The following MORF4L2 variants were observed in gnomAD, a reference collection of about 807,000 sequenced individuals.
MORF4L2 encodes mortality factor 4 like 2, also known as mortality factor 4-like protein 2.
In MORF4L2, 1 loss-of-function variant was observed where a neutral mutation model predicts 12.0. That is an observed-to-expected ratio of 0.08 (90% confidence interval 0.03 to 0.40). The LOEUF (loss-of-function observed/expected upper bound fraction) is 0.40, where lower values mean the gene tolerates loss of function less well. MORF4L2 is among the 10% of genes least tolerant of loss of function. MORF4L2 has a pLI of 0.98. For missense variants in MORF4L2, 123 were observed against 214.0 expected (o/e 0.57, Z 2.65); for synonymous variants, 69 against 81.6 (o/e 0.85, Z 0.83).
In MORF4L2 at chrX:103,680,068, C is replaced by T. The variant is rs189830981; in HGVS notation, c.-177-1417G>A. Among the ~76,000 whole-genome samples the T allele has an allele frequency of 6.6e-3, 732 of 110,905 alleles. 2 individuals are homozygous for T. The highest frequency in any genetic ancestry group is 0.01 in the Non-Finnish European group (537 of 52,909). On this transcript the variant is annotated intron_variant, in intron 2 of 3. Transcript: ENST00000441076. ...AGGCTTAGTGGTGCACACCTATAAT[C>T]CCAGCTACTTGGGAGGCTGAGGCAG...
rs1293736579 is a variant in MORF4L2, at chrX:103,686,640, G to C, written c.-277C>G. On this transcript the variant is annotated 5_prime_UTR_variant, in exon 1 of 4. Coordinates refer to ENST00000441076, the MANE Select transcript of MORF4L2 (RefSeq NM_012286.3). Reference sequence around the variant, plus strand: ...ACCCCCACCCCGAAACCTGAAACGAGAATCCAGATCTTCCCAGCAGCCGAC... The same window carrying C: ...ACCCCCACCCCGAAACCTGAAACGACAATCCAGATCTTCCCAGCAGCCGAC... 1.1e-5 allele frequency: 1 copy of C among 90,713 alleles called. No homozygotes were observed. The highest frequency in any genetic ancestry group is 2.1e-5 in the Non-Finnish European group (1 of 47,732). The allele number at this position is 90,713 out of a possible 1,213,427, so 7.5% of individuals were successfully genotyped here.
At chrX:103,683,132 G>A (rs1376744285) in intron 2 of MORF4L2, among the ~76,000 whole-genome samples, 2 of 109,676 alleles carry the variant, frequency 1.8e-5, no homozygotes, top group Non-Finnish European at 1.9e-5. Flanking sequence ...AGGCTGGAGT[G>A]CAGTGGCGCG....
chrX:103,685,306 A>G (rs2074071874), intron 1 of MORF4L2, 46 bp from the exon 2 acceptor site: 1 of 112,137 alleles, frequency 8.9e-6, no homozygotes, highest in Non-Finnish European at 1.9e-5. Context: ...AAATAAAAAG[A>G]TATGAGATAT....
chrX:103,676,842 G>T lies in MORF4L2; in HGVS notation c.186C>A (p.Arg62=), dbSNP rs2073859213. The change falls in exon 4 of 4, where the codon CGC becomes CGA. Residue 62 remains arginine (R), a synonymous_variant. Transcript: ENST00000441076. ...ATCCTGAAGGGGGGTTCTCTGCAGA[G>T]CGACCACCCCATCTTCCTGGGAGAG... ...EPALPGRWGG[R]SAENPPSGSV... 1 of 1,207,295 alleles carries T rather than the reference G, an allele frequency of 8.3e-7. No individual in the cohort carries two copies. Among genetic ancestry groups the T allele is most frequent in the South Asian group, 1.8e-5 (1 of 56,658 alleles).
intron 2 of MORF4L2, chrX:103,684,542 TATTA>T (rs775849233): frequency 1.1e-4 from 12 of 112,061 alleles, no homozygotes; most frequent in Non-Finnish European, 2.1e-4. Flanking sequence ...AAACCAACGG[TATTA>T]ATTATTATTT....
At chrX:103,680,760 T>C (rs2073968435) in intron 2 of MORF4L2, among the ~76,000 whole-genome samples, 1 of 112,373 alleles carries the variant, frequency 8.9e-6, no homozygotes, top group Non-Finnish European at 1.9e-5. Context: ...GTCTTGAAGG[T>C]AATTTTATAC....
intron 2 of MORF4L2, among the ~76,000 whole-genome samples, chrX:103,682,003 G>A (rs1175901029): frequency 9.0e-6 from 1 of 111,160 alleles, no homozygotes; most frequent in African/African-American, 3.3e-5. Context: ...GAGTGAGCAT[G>A]TATGCCTTCA....
At chrX:103,682,437 A>G (rs1305262095) in intron 2 of MORF4L2, among the ~76,000 whole-genome samples, 1 of 112,009 alleles carries the variant, frequency 8.9e-6, no homozygotes. Context: ...TCACCTCACA[A>G]AGAACTGTTT....
intron 1 of MORF4L2, among the ~76,000 whole-genome samples, chrX:103,685,709 C>T (rs901283725): frequency 5.7e-5 from 6 of 104,532 alleles, no homozygotes; most frequent in Non-Finnish European, 1.2e-4. Flanking sequence ...GATTAATATA[C>T]GCAACCCACT....
At chrX:103,679,958 G>A (rs2073951480) in intron 2 of MORF4L2, among the ~76,000 whole-genome samples, 1 of 110,751 alleles carries the variant, frequency 9.0e-6, no homozygotes, top group African/African-American at 3.3e-5. Flanking sequence ...GGCCGAGGTG[G>A]CCAAATCTCT....
chrX:103,687,354 G>C (rs963653767), upstream of MORF4L2: 1 of 112,297 alleles, frequency 8.9e-6, no homozygotes, highest in Non-Finnish European at 1.9e-5. Context: ...TGAGTGCAAC[G>C]GGCGCAAGGC....
At chrX:103,679,632 C>A (rs1314374841) in intron 2 of MORF4L2, among the ~76,000 whole-genome samples, 1 of 109,455 alleles carries the variant, frequency 9.1e-6, no homozygotes, top group African/African-American at 3.3e-5. Context: ...TATAAATATG[C>A]ATGGAAATAT....
chrX:103,685,070 C>G (rs1030222568), intron 2 of MORF4L2, 101 bp downstream of exon 2: 1 of 112,059 alleles, frequency 8.9e-6, no homozygotes, highest in East Asian at 2.8e-4. Context: ...GACTACTTTC[C>G]CAGATAGGAG....
intron 2 of MORF4L2, among the ~76,000 whole-genome samples, chrX:103,679,396 G>A (rs1355353766): frequency 1.9e-5 from 2 of 106,167 alleles, no homozygotes; most frequent in Admixed American, 1.0e-4. Flanking sequence ...GTGCACGCCT[G>A]TAGTCTCAGC....
intron 2 of MORF4L2, among the ~76,000 whole-genome samples, chrX:103,684,327 A>AGC (rs2147696491): frequency 8.9e-6 from 1 of 111,775 alleles, no homozygotes; most frequent in African/African-American, 3.3e-5. Flanking sequence ...AAAAGCTGTT[A>AGC]GCAGACTGAA....
chrX:103,678,971 T>G (rs1036883005), intron 2 of MORF4L2, among the ~76,000 whole-genome samples: 1 of 111,902 alleles, frequency 8.9e-6, no homozygotes, highest in African/African-American at 3.3e-5. Flanking sequence ...GCGGGAATAT[T>G]TGCACATGGA....
intron 2 of MORF4L2, among the ~76,000 whole-genome samples, chrX:103,679,877 A>AG (rs1445637308): frequency 2.1e-4 from 20 of 94,607 alleles, no homozygotes; most frequent in South Asian, 1.1e-3. Flanking sequence ...AAAAAAAAAA[A>AG]AAAAAAAAGA....
chrX:103,679,563 G>A (rs961974319), intron 2 of MORF4L2, among the ~76,000 whole-genome samples: 9 of 109,702 alleles, frequency 8.2e-5, no homozygotes, highest in African/African-American at 3.0e-4. Context: ...AAGCATTAGT[G>A]TGAAATAGTT....
intron 2 of MORF4L2, among the ~76,000 whole-genome samples, chrX:103,680,987 C>A (rs1424521039): frequency 1.8e-5 from 2 of 111,987 alleles, no homozygotes; most frequent in Non-Finnish European, 3.8e-5. Context: ...CTAAAGAAAG[C>A]AACATGACCT....
Sources: gnomAD v4.1 joint callset for allele counts (sites outside exome capture counted in the v4.1 genomes callset) on GRCh38, gnomAD v4.1.1 for gene constraint, MANE v1.5 for transcripts, NCBI Gene and HGNC (gene_info 2026-07-23, HGNC 2026-07-21) for gene names.